The following BLTP3A variants were observed in gnomAD, a reference collection of about 807,000 sequenced individuals.
BLTP3A encodes bridge-like lipid transfer protein family member 3A.
the BLTP3A span, among the ~76,000 whole-genome samples, chr6:34,808,370 AG>A: frequency 2.4e-3 from 354 of 149,578 alleles, 3 homozygotes; most frequent in Non-Finnish European, 3.9e-3. Flanking sequence ...AAAAAAAAAA[AG>A]AATAGAAATC....
chr6:34,868,549 C>T, the BLTP3A span, among the ~76,000 whole-genome samples: 1 of 151,250 alleles, frequency 6.6e-6, no homozygotes, highest in African/African-American at 2.4e-5. Flanking sequence ...ATGGTGAAAC[C>T]CCGTCTCTAC....
the BLTP3A span, among the ~76,000 whole-genome samples, chr6:34,794,573 T>A: frequency 4.6e-5 from 7 of 152,322 alleles, no homozygotes; most frequent in African/African-American, 1.2e-4. Flanking sequence ...CTGAAGCACA[T>A]GCCTGAATCC....
chr6:34,836,714 AG>A, the BLTP3A span, among the ~76,000 whole-genome samples: 1 of 152,234 alleles, frequency 6.6e-6, no homozygotes, highest in African/African-American at 2.4e-5. Flanking sequence ...GAAAACGACT[AG>A]GGTGAGATTT....
the BLTP3A span, chr6:34,858,283 T>C: frequency 6.2e-7 from 1 of 1,614,152 alleles, no homozygotes; most frequent in South Asian, 1.1e-5. Flanking sequence ...TGCTGCTGAG[T>C]TCTTTCATTC....
chr6:34,793,092 G>T, the BLTP3A span, among the ~76,000 whole-genome samples: 1 of 152,166 alleles, frequency 6.6e-6, no homozygotes, highest in East Asian at 1.9e-4. Context: ...AACCAACAAC[G>T]TCCGCTTCTG....
At chr6:34,806,674 C>A in the BLTP3A span, among the ~76,000 whole-genome samples, 1 of 152,128 alleles carries the variant, frequency 6.6e-6, no homozygotes, top group Non-Finnish European at 1.5e-5. Flanking sequence ...TTCTCCCCCC[C>A]TCCCCAAGAT....
chr6:34,859,582 CTG>C, the BLTP3A span: 13 of 1,612,720 alleles, frequency 8.1e-6, no homozygotes, highest in African/African-American at 1.6e-4. Flanking sequence ...GTAAGTGGCT[CTG>C]TACCTCCTTC....
the BLTP3A span, among the ~76,000 whole-genome samples, chr6:34,810,866 C>T: frequency 6.6e-6 from 1 of 152,030 alleles, no homozygotes. Context: ...ACTTAAGTTT[C>T]GATAAATTTC....
At chr6:34,837,509 C>G in the BLTP3A span, among the ~76,000 whole-genome samples, 1 of 147,540 alleles carries the variant, frequency 6.8e-6, no homozygotes, top group Non-Finnish European at 1.5e-5. Flanking sequence ...TATAGTGAGA[C>G]TCCATCTCTT....
At chr6:34,871,131 TG>T in the BLTP3A span, 2 of 1,603,100 alleles carry the variant, frequency 1.2e-6, no homozygotes, top group African/African-American at 2.7e-5. Context: ...GAGGAACCTT[TG>T]GTTTTTGCCA....
chr6:34,821,556 A>AT, the BLTP3A span: 7 of 1,216,572 alleles, frequency 5.8e-6, no homozygotes, highest in Admixed American at 5.5e-5. Context: ...ATGTTCTTTA[A>AT]TTTTTTCTTT....
the BLTP3A span, among the ~76,000 whole-genome samples, chr6:34,805,221 C>T: frequency 6.6e-6 from 1 of 151,902 alleles, no homozygotes; most frequent in African/African-American, 2.4e-5. Context: ...GTCGAGGCTT[C>T]AGTGAACCGT....
the BLTP3A span, among the ~76,000 whole-genome samples, chr6:34,827,175 G>A: frequency 1.3e-5 from 2 of 152,044 alleles, no homozygotes; most frequent in Admixed American, 6.6e-5. Context: ...GCCGGGCGTG[G>A]TGGCGCGTGC....
the BLTP3A span, among the ~76,000 whole-genome samples, chr6:34,830,084 A>G: frequency 1.3e-5 from 2 of 151,694 alleles, no homozygotes; most frequent in Non-Finnish European, 2.9e-5. Context: ...AAGTGATGGG[A>G]TTACAGGTGT....
the BLTP3A span, among the ~76,000 whole-genome samples, chr6:34,809,304 G>T: frequency 6.6e-6 from 1 of 152,102 alleles, no homozygotes; most frequent in African/African-American, 2.4e-5. Flanking sequence ...GAGGCAGGAG[G>T]ATTGATTGAG....
the BLTP3A span, chr6:34,871,703 CT>C: frequency 6.2e-7 from 1 of 1,614,110 alleles, no homozygotes; most frequent in East Asian, 2.2e-5. Context: ...GTGAGTCAGG[CT>C]TGTCAGCCTG....
At chr6:34,799,694 C>T in the BLTP3A span, among the ~76,000 whole-genome samples, 1 of 152,134 alleles carries the variant, frequency 6.6e-6, no homozygotes, top group Non-Finnish European at 1.5e-5. Context: ...TACTTCTAAG[C>T]TAGACATTCA....
the BLTP3A span, among the ~76,000 whole-genome samples, chr6:34,802,031 C>G: frequency 1.3e-5 from 2 of 152,120 alleles, no homozygotes; most frequent in South Asian, 4.1e-4. Context: ...GCCACCATGC[C>G]TGGCCTGCAC....
chr6:34,853,981 T>TG, the BLTP3A span, among the ~76,000 whole-genome samples: 2 of 151,690 alleles, frequency 1.3e-5, no homozygotes, highest in South Asian at 2.1e-4. Flanking sequence ...CCCTGCACTT[T>TG]GGGGGGCCGA....
Sources: gnomAD v4.1 joint callset for allele counts (sites outside exome capture counted in the v4.1 genomes callset) on GRCh38, gnomAD v4.1.1 for gene constraint, MANE v1.5 for transcripts, NCBI Gene and HGNC (gene_info 2026-07-23, HGNC 2026-07-21) for gene names.